Variants in SCN1A observed in about 807,000 individuals in gnomAD.
SCN1A encodes the protein sodium channel protein type 1 subunit alpha.
Under a neutral mutation model 193.7 loss-of-function variants are expected in SCN1A, and 13 were observed. The observed-to-expected ratio is 0.07, with a 90% CI of 0.04 to 0.11. The LOEUF (loss-of-function observed/expected upper bound fraction) is 0.11. Among genes scored for constraint, SCN1A ranks in the 10% least tolerant of loss-of-function variants. The pLI is 1.00. For synonymous variants in SCN1A, 781 were observed against 843.6 expected, an observed-to-expected ratio of 0.93 and a Z score of 1.29; for missense variants, 1,432 against 2,451.1, an observed-to-expected ratio of 0.58 and a Z score of 8.78.
Position 166,119,675 on chromosome 2 carries a change from G to A in SCN1A, c.-142+7249C>T, listed in dbSNP as rs374678262. 8.5e-4 allele frequency among the ~76,000 whole-genome samples: 130 copies of A among 152,194 alleles called. 1 individual carries two copies. The highest frequency in any genetic ancestry group is 3.0e-3 in the African/African-American group (124 of 41,558). On this transcript the variant is annotated intron_variant, in intron 2 of 28. Transcript: ENST00000674923. ...TTCAAGTCTAATTTTATATTAGACC[G>A]ATTCCCAAAGCTTTTCCATTGTTAC...
In SCN1A at chr2:166,079,687, G is replaced by A. The variant is rs527787549; in HGVS notation, c.-141-1886C>T. On this transcript the variant is annotated intron_variant, in intron 2 of 28. Transcript: ENST00000674923. The stretch of plus-strand genomic sequence containing the variant: ...CTGCATTTGAGAAAAGCTCTCTAAA[G>A]AAAATCTCCCTGGTCACTAGCTATC... Among the ~76,000 whole-genome samples the A allele has an allele frequency of 7.3e-5, 11 of 150,792 alleles. No homozygotes were observed. In the South Asian group the frequency reaches 2.3e-3, roughly 32 times the overall value.
rs141439634 is a variant in SCN1A at position 166,047,269 on chromosome 2, A to G, written c.1171-293T>C. On this transcript the variant is annotated intron_variant, in intron 11 of 28. Transcript: ENST00000674923. ...AACGACCTGAGCCTTTAGGAAAGTCAAGGAACAGACCAAAGTTATCTTTCT... is the reference window on the plus strand; with the variant it reads ...AACGACCTGAGCCTTTAGGAAAGTCGAGGAACAGACCAAAGTTATCTTTCT... Among the ~76,000 whole-genome samples, 47 of 152,284 alleles carry G rather than the reference A, an allele frequency of 3.1e-4. No individual in the cohort carries two copies. The East Asian group carries it at 8.7e-3, about 28-fold the overall frequency.
intron 2 of SCN1A, among the ~76,000 whole-genome samples, chr2:166,105,049 C>T (rs1414899250): frequency 1.3e-5 from 2 of 152,154 alleles, no homozygotes; most frequent in African/African-American, 2.4e-5. Context: ...TATCATATGT[C>T]TTACTCCTTA....
intron 27 of SCN1A, 78 bp downstream of exon 27, chr2:165,995,935 G>A (rs967309143): frequency 2.1e-6 from 2 of 951,010 alleles, no homozygotes; most frequent in African/African-American, 1.6e-5. Flanking sequence ...GGAAATGTTA[G>A]CTACTTTCTT....
intron 3 of SCN1A, among the ~76,000 whole-genome samples, chr2:166,076,095 A>G (rs1684961082): frequency 6.6e-6 from 1 of 151,494 alleles, no homozygotes; most frequent in African/African-American, 2.4e-5. Context: ...ATATTTTTTG[A>G]CTTTATGGTG....
At chr2:166,101,177 C>T (rs1688018975) in intron 2 of SCN1A, among the ~76,000 whole-genome samples, 1 of 150,426 alleles carries the variant, frequency 6.6e-6, no homozygotes, top group Non-Finnish European at 1.5e-5. Context: ...TACTATGCAG[C>T]CATAAAAAAT....
intron 2 of SCN1A, among the ~76,000 whole-genome samples, chr2:166,098,801 C>A (rs908107772): frequency 6.6e-6 from 1 of 152,088 alleles, no homozygotes; most frequent in Non-Finnish European, 1.5e-5. Context: ...CACAGCTAAC[C>A]AGGGAGATGA....
intron 2 of SCN1A, among the ~76,000 whole-genome samples, chr2:166,108,831 C>T (rs182953180): frequency 2.7e-4 from 41 of 152,160 alleles, no homozygotes; most frequent in African/African-American, 9.4e-4. Context: ...AAGTGGGCAT[C>T]AAGTTTCTTT....
intron 2 of SCN1A, among the ~76,000 whole-genome samples, chr2:166,082,846 A>C (rs926290531): frequency 3.3e-5 from 5 of 152,066 alleles, no homozygotes; most frequent in Non-Finnish European, 7.4e-5. Flanking sequence ...AATTCTGTCT[A>C]TAAAGTAGTT....
intron 2 of SCN1A, among the ~76,000 whole-genome samples, chr2:166,115,832 A>G (rs1367532686): frequency 6.6e-6 from 1 of 152,234 alleles, no homozygotes; most frequent in African/African-American, 2.4e-5. Context: ...AAGAAGGTAC[A>G]GTATAGCAGA....
intron 1 of SCN1A, among the ~76,000 whole-genome samples, chr2:166,147,466 G>C (rs1323456756): frequency 6.6e-6 from 1 of 152,084 alleles, no homozygotes; most frequent in Non-Finnish European, 1.5e-5. Flanking sequence ...ATAGCCAAAA[G>C]AAACAATATT....
intron 5 of SCN1A, among the ~76,000 whole-genome samples, 157 bp downstream of exon 5, chr2:166,058,413 A>G (rs1699333819): frequency 6.6e-6 from 1 of 152,088 alleles, no homozygotes; most frequent in African/African-American, 2.4e-5. Context: ...TATGTGATTA[A>G]TGAACTTTAA....
At chr2:166,132,248 A>G (rs1691690157), upstream of SCN1A, among the ~76,000 whole-genome samples, 1 of 152,224 alleles carries the variant, frequency 6.6e-6, no homozygotes, top group Non-Finnish European at 1.5e-5. Flanking sequence ...GGACCACTGT[A>G]TCACTACAAA....
At chr2:165,997,325 TTTATAA>T (rs1406370264) in intron 26 of SCN1A, among the ~76,000 whole-genome samples, 24 of 151,300 alleles carry the variant, frequency 1.6e-4, no homozygotes, top group African/African-American at 1.9e-4. Context: ...TAAAGTGGAA[TTTATAA>T]TTATAGATAA....
intron 19 of SCN1A, among the ~76,000 whole-genome samples, chr2:166,019,665 G>A (rs1693745455): frequency 6.6e-6 from 1 of 151,844 alleles, no homozygotes; most frequent in Admixed American, 6.6e-5. Context: ...CCTTTTCTTT[G>A]TTTAACTATA....
chr2:166,120,521 T>C (rs1690431952), intron 2 of SCN1A, among the ~76,000 whole-genome samples: 1 of 151,276 alleles, frequency 6.6e-6, no homozygotes, highest in Non-Finnish European at 1.5e-5. Flanking sequence ...ATCATTTGCC[T>C]AGACTATGAT....
chr2:166,093,545 G>A (rs1363652582), intron 2 of SCN1A, among the ~76,000 whole-genome samples: 3 of 151,976 alleles, frequency 2.0e-5, no homozygotes, highest in Admixed American at 6.6e-5. Flanking sequence ...GGGTTTCACC[G>A]TGTTAGCTAG....
Position 166,004,728 on chromosome 2 carries a change from G to A in SCN1A, c.4003-1975C>T, listed in dbSNP as rs79125147. Among the ~76,000 whole-genome samples, 36 of 151,332 alleles carry A rather than the reference G, an allele frequency of 2.4e-4. 1 individual carries two copies. The East Asian group carries it at 5.1e-3, about 21-fold the overall frequency. On this transcript the variant is annotated intron_variant, in intron 23 of 28. Transcript: ENST00000674923. ...TGCCACTTCAATTAATATAATAACC[G>A]TGTGCTAATATAATTGCCAGGTGAT...
chr2:166,048,234 T>C (rs188225702), intron 10 of SCN1A, among the ~76,000 whole-genome samples: 76 of 152,224 alleles, frequency 5.0e-4, no homozygotes, highest in Admixed American at 1.9e-3. Context: ...GGTACGTACA[T>C]GTACAGGTTT....
Sources: gnomAD v4.1 joint callset for allele counts (sites outside exome capture counted in the v4.1 genomes callset) on GRCh38, gnomAD v4.1.1 for gene constraint, MANE v1.5 for transcripts, NCBI Gene and HGNC (gene_info 2026-07-23, HGNC 2026-07-21) for gene names.